Variants in RGS6 observed in about 807,000 individuals in gnomAD.
The protein encoded by RGS6 is regulator of G protein signaling 6, also known as regulator of G-protein signaling 6.
Under a neutral mutation model 78.5 loss-of-function variants are expected in RGS6, and 30 were observed. That is an observed-to-expected ratio of 0.38 (90% CI 0.29 to 0.52). RGS6 has a LOEUF of 0.52. Ranked by LOEUF, RGS6 falls within the 20% of genes least tolerant of loss-of-function variation. RGS6 has a pLI of 0.85. For missense variants in RGS6, 495 were observed against 609.7 expected, an observed-to-expected ratio of 0.81 and a Z score of 1.98; for synonymous variants, 206 against 206.0, an observed-to-expected ratio of 1.00 and a Z score of 0.00.
chr14:72,599,414 T>G, the RGS6 span, among the ~76,000 whole-genome samples: 151 of 122,930 alleles, frequency 1.2e-3, 5 homozygotes, highest in African/African-American at 3.1e-3. Flanking sequence ...TTTTTTTTTT[T>G]TTTTTTTTTT....
chr14:72,447,423 T>C (rs1165751190), intron 3 of RGS6, among the ~76,000 whole-genome samples: 38 of 152,154 alleles, frequency 2.5e-4, no homozygotes, highest in Admixed American at 2.4e-3. Context: ...CAACAAGCTG[T>C]CTATCGGAAG....
chr14:72,285,805 A>G (rs1463031320), intron 2 of RGS6, among the ~76,000 whole-genome samples: 1 of 152,098 alleles, frequency 6.6e-6, no homozygotes, highest in Non-Finnish European at 1.5e-5. Context: ...GGCCATTTTT[A>G]TGTCATTTTT....
intron 3 of RGS6, among the ~76,000 whole-genome samples, chr14:72,434,277 C>T (rs533745495): frequency 1.8e-3 from 279 of 152,322 alleles, no homozygotes; most frequent in African/African-American, 6.5e-3. Context: ...TTTGAGGCTA[C>T]GGTGAGCTCT....
intron 2 of RGS6, among the ~76,000 whole-genome samples, chr14:72,238,815 T>C (rs1307011314): frequency 6.6e-6 from 1 of 152,152 alleles, no homozygotes; most frequent in Non-Finnish European, 1.5e-5. Flanking sequence ...ATGAAAACTT[T>C]TATTAACAAG....
chr14:72,626,176 G>A, the RGS6 span, among the ~76,000 whole-genome samples: 1 of 151,854 alleles, frequency 6.6e-6, no homozygotes. Context: ...TATCTATTTG[G>A]GAGGTATGTA....
chr14:72,308,132 G>T (rs2067685740), intron 2 of RGS6, among the ~76,000 whole-genome samples: 1 of 152,132 alleles, frequency 6.6e-6, no homozygotes, highest in South Asian at 2.1e-4. Context: ...TACTTCCCTT[G>T]CTTCAATTTT....
intron 2 of RGS6, among the ~76,000 whole-genome samples, chr14:72,190,674 G>A (rs1159355892): frequency 6.6e-6 from 1 of 152,260 alleles, no homozygotes; most frequent in African/African-American, 2.4e-5. Flanking sequence ...ACTTCTACAA[G>A]TATGTAGAGG....
At chr14:72,027,910 C>T (rs113955433) in intron 2 of RGS6, among the ~76,000 whole-genome samples, 60 of 152,314 alleles carry the variant, frequency 3.9e-4, no homozygotes, top group African/African-American at 1.4e-3. Flanking sequence ...ACTTGACTCT[C>T]TGATGTTGAG....
At chr14:72,247,154 C>A (rs1263577091) in intron 2 of RGS6, among the ~76,000 whole-genome samples, 3 of 152,150 alleles carry the variant, frequency 2.0e-5, no homozygotes, top group African/African-American at 7.2e-5. Context: ...TCTCTGAATT[C>A]TTCTAACACA....
At chr14:72,286,848 A>G (rs1029691322) in intron 2 of RGS6, among the ~76,000 whole-genome samples, 4 of 151,760 alleles carry the variant, frequency 2.6e-5, no homozygotes, top group African/African-American at 7.3e-5. Context: ...CAGTGGCACA[A>G]TCTCGGCTCA....
chr14:72,617,779 G>A, the RGS6 span, among the ~76,000 whole-genome samples: 1 of 152,164 alleles, frequency 6.6e-6, no homozygotes, highest in Non-Finnish European at 1.5e-5. Context: ...CCGAGTCTCC[G>A]GGAGCGTCCT....
chr14:72,047,893 TTTTTG>T (rs1194179611), intron 2 of RGS6, among the ~76,000 whole-genome samples: 748 of 61,992 alleles, frequency 0.012, 44 homozygotes, highest in African/African-American at 0.038. Flanking sequence ...GCCCAGCTAA[TTTTTG>T]TTTTTTTTTT....
chr14:72,048,477 A>G (rs2093019879), intron 2 of RGS6, among the ~76,000 whole-genome samples: 2 of 152,308 alleles, frequency 1.3e-5, no homozygotes, highest in South Asian at 2.1e-4. Context: ...AAGAGAAATC[A>G]TGAGGCAGTA....
chr14:72,295,552 A>C (rs1156291979), intron 2 of RGS6, among the ~76,000 whole-genome samples: 6 of 152,316 alleles, frequency 3.9e-5, no homozygotes. Context: ...GCAAAATGAA[A>C]TAAAATAATC....
rs538302884 is a variant in RGS6, at chr14:72,502,608, A to G, written c.965+7346A>G. On this transcript the variant is annotated intron_variant, in intron 13 of 17. Transcript: ENST00000553525. ...GTGAAACCCCGTCTCTACTAAAAAT[A>G]CAAAAATTAGCTGGGCATGGTGGCA... Among the ~76,000 whole-genome samples the G allele has an allele frequency of 2.6e-5, 4 of 152,298 alleles. No individual in the cohort carries two copies. The East Asian group carries it at 7.7e-4, about 29-fold the overall frequency.
In RGS6 at chr14:72,478,271, A is replaced by G; in HGVS notation, c.796A>G (p.Thr266Ala). Residue 266 changes from threonine (T) to alanine (A), a missense_variant, in exon 12 of 18, where the codon ACA (threonine) becomes GCA (alanine). Thr to Ala is a moderately conservative substitution (Grantham distance 58). Transcript: ENST00000553525. ...TTKEDIRKQI[T>A]FLNAQIDRHC... is the part of the protein sequence containing the mutation. ...TCTGTGTTCTCTATTTTCCCAGATA[A>G]CATTTTTGAACGCACAGATCGACAG... 1 of 1,612,266 alleles carries G rather than the reference A, an allele frequency of 6.2e-7. No individual in the cohort carries two copies.
intron 7 of RGS6, chr14:72,469,802 G>T (rs566413092): frequency 2.0e-6 from 1 of 508,436 alleles, no homozygotes; most frequent in African/African-American, 1.9e-5. Flanking sequence ...GACTTAATGG[G>T]TGTGTAAATG....
chr14:72,076,949 A>AC (rs1555467065), intron 2 of RGS6, among the ~76,000 whole-genome samples: 6 of 136,570 alleles, frequency 4.4e-5, no homozygotes, highest in African/African-American at 1.7e-4. Flanking sequence ...ATACAGCCAA[A>AC]TTTTATATAT....
At chr14:72,173,130 C>T (rs1363472249) in intron 2 of RGS6, among the ~76,000 whole-genome samples, 2 of 152,092 alleles carry the variant, frequency 1.3e-5, no homozygotes, top group Non-Finnish European at 2.9e-5. Flanking sequence ...AACATACTGG[C>T]AGACACCTTT....
Sources: allele counts gnomAD v4.1 joint callset (sites outside exome capture counted in the v4.1 genomes callset), GRCh38; gene constraint gnomAD v4.1.1; transcripts MANE v1.5; gene names NCBI Gene and HGNC (gene_info 2026-07-23, HGNC 2026-07-21).